Variants in TENM4 observed in about 807,000 individuals in gnomAD.
The protein encoded by TENM4 is teneurin-4.
TENM4 carries 82 observed loss-of-function variants against 243.3 expected under a neutral mutation model. That is an observed-to-expected ratio of 0.34 (90% confidence interval 0.28 to 0.40). The LOEUF (loss-of-function observed/expected upper bound fraction) is 0.40, where lower values mean the gene tolerates loss of function less well. Ranked by LOEUF, TENM4 falls within the 10% of genes least tolerant of loss-of-function variation. The pLI is 1.00. For synonymous variants in TENM4, 1,412 were observed against 1,456.3 expected, an observed-to-expected ratio of 0.97 and a Z score of 0.69; for missense variants, 3,138 against 3,673.3, an observed-to-expected ratio of 0.85 and a Z score of 3.77.
At chr11:78,882,279 T>C (rs184553961) in intron 9 of TENM4, among the ~76,000 whole-genome samples, 6 of 152,346 alleles carry the variant, frequency 3.9e-5, no homozygotes, top group Admixed American at 3.9e-4. Context: ...CCCTGGCCTC[T>C]ATCTGTAATT....
At chr11:78,819,036 T>C (rs1857669377) in intron 12 of TENM4, among the ~76,000 whole-genome samples, 1 of 152,030 alleles carries the variant, frequency 6.6e-6, no homozygotes, top group South Asian at 2.1e-4. Context: ...AGAGTTTAAG[T>C]GTTTCCTTAG....
At chr11:78,949,306 T>A (rs538810543) in intron 6 of TENM4, among the ~76,000 whole-genome samples, 2 of 152,338 alleles carry the variant, frequency 1.3e-5, no homozygotes, top group South Asian at 4.1e-4. Flanking sequence ...GAGCACTGTC[T>A]TATATATGTC....
At chr11:78,965,132 T>C (rs1857410096) in intron 6 of TENM4, among the ~76,000 whole-genome samples, 1 of 152,066 alleles carries the variant, frequency 6.6e-6, no homozygotes, top group Non-Finnish European at 1.5e-5. Context: ...CCTCCCAAAG[T>C]GCAGGGATTA....
chr11:79,164,665 G>T (rs1862869728), intron 3 of TENM4, among the ~76,000 whole-genome samples: 1 of 149,698 alleles, frequency 6.7e-6, no homozygotes, highest in Non-Finnish European at 1.5e-5. Flanking sequence ...ATTCCCGTGT[G>T]TTATGGGAGG....
chr11:79,362,844 A>G (rs1857612945), intron 1 of TENM4, among the ~76,000 whole-genome samples: 1 of 152,268 alleles, frequency 6.6e-6, no homozygotes, highest in African/African-American at 2.4e-5. Context: ...AATGCTTACA[A>G]ATACGTAGCA....
chr11:78,941,307 G>A (rs1205119981), intron 6 of TENM4, among the ~76,000 whole-genome samples: 1 of 151,786 alleles, frequency 6.6e-6, no homozygotes, highest in Non-Finnish European at 1.5e-5. Context: ...AGCACCTTAC[G>A]TGCTTAGCAA....
intron 16 of TENM4, among the ~76,000 whole-genome samples, chr11:78,782,887 T>A (rs962319523): frequency 5.9e-5 from 9 of 152,096 alleles, no homozygotes; most frequent in Non-Finnish European, 1.0e-4. Flanking sequence ...AGGGTATCAT[T>A]TTGATCTTTA....
At chr11:79,006,624 G>A (rs553373639) in intron 6 of TENM4, among the ~76,000 whole-genome samples, 1 of 152,092 alleles carries the variant, frequency 6.6e-6, no homozygotes, top group South Asian at 2.1e-4. Context: ...GCCACATAGG[G>A]TGCATCAGGC....
chr11:79,135,190 G>A (rs889727525), intron 4 of TENM4, among the ~76,000 whole-genome samples: 11 of 151,974 alleles, frequency 7.2e-5, no homozygotes, highest in Admixed American at 2.0e-4. Context: ...CTAAGGACAC[G>A]AACAGGCAAT....
intron 6 of TENM4, among the ~76,000 whole-genome samples, chr11:78,950,387 C>G (rs663919): frequency 6.6e-6 from 1 of 151,836 alleles, no homozygotes; most frequent in African/African-American, 2.4e-5. Flanking sequence ...TAGTGCAGGG[C>G]GGGGGGAGAA....
chr11:78,947,530 C>T (rs578048380), intron 6 of TENM4, among the ~76,000 whole-genome samples: 1 of 152,278 alleles, frequency 6.6e-6, no homozygotes, highest in South Asian at 2.1e-4. Flanking sequence ...GAGAAGTTTA[C>T]CTTTGCAATC....
intron 10 of TENM4, among the ~76,000 whole-genome samples, chr11:78,861,258 C>T (rs934868703): frequency 6.6e-6 from 1 of 152,208 alleles, no homozygotes; most frequent in Non-Finnish European, 1.5e-5. Flanking sequence ...GATTCTATTG[C>T]TATTTTCATA....
chr11:79,347,762 CTTTTTTTTTT>C (rs528675032), intron 1 of TENM4, among the ~76,000 whole-genome samples: 158 of 94,726 alleles, frequency 1.7e-3, no homozygotes, highest in African/African-American at 6.3e-3. Context: ...CTATCCTCTC[CTTTTTTTTTT>C]TTTTTTTTTT....
At chr11:78,978,542 G>T (rs959298710) in intron 6 of TENM4, among the ~76,000 whole-genome samples, 1 of 152,132 alleles carries the variant, frequency 6.6e-6, no homozygotes. Context: ...ATGAACCAAA[G>T]TGGGCAGGCT....
At chr11:78,804,599 A>T (rs1390687968) in intron 15 of TENM4, among the ~76,000 whole-genome samples, 1 of 152,202 alleles carries the variant, frequency 6.6e-6, no homozygotes, top group African/African-American at 2.4e-5. Flanking sequence ...AAGGGTGCCA[A>T]CATAATTATC....
intron 1 of TENM4, among the ~76,000 whole-genome samples, chr11:79,437,125 G>A (rs1362586215): frequency 6.6e-6 from 1 of 152,216 alleles, no homozygotes; most frequent in African/African-American, 2.4e-5. Context: ...AGGGCTTCCC[G>A]TCAACACCCT....
At chr11:79,419,641 C>G (rs563019730) in intron 1 of TENM4, among the ~76,000 whole-genome samples, 1 of 152,330 alleles carries the variant, frequency 6.6e-6, no homozygotes, top group South Asian at 2.1e-4. Context: ...CGTTGCTTGA[C>G]ATTTCCTAGT....
At chr11:79,299,046 G>T (rs376712348) in intron 1 of TENM4, among the ~76,000 whole-genome samples, 5 of 148,740 alleles carry the variant, frequency 3.4e-5, no homozygotes, top group Admixed American at 2.0e-4. Flanking sequence ...GAAGTCATAG[G>T]TGTGAGGTGC....
chr11:79,381,526 C>A (rs1181236417), intron 1 of TENM4, among the ~76,000 whole-genome samples: 2 of 150,864 alleles, frequency 1.3e-5, no homozygotes, highest in African/African-American at 4.9e-5. Flanking sequence ...AACCCGTTGA[C>A]CGAATTGAGT....
Sources: allele counts gnomAD v4.1 joint callset (sites outside exome capture counted in the v4.1 genomes callset), GRCh38; gene constraint gnomAD v4.1.1; transcripts MANE v1.5; gene names NCBI Gene and HGNC (gene_info 2026-07-23, HGNC 2026-07-21).